NR1H4: variants seen among roughly 807,000 people sequenced by gnomAD.
NR1H4 encodes the protein nuclear receptor subfamily 1 group H member 4, also known as bile acid receptor.
Under a neutral mutation model 58.5 loss-of-function variants are expected in NR1H4, and 23 were observed. The ratio of observed to expected loss-of-function variants is 0.39; its 90% CI spans 0.28 to 0.56. NR1H4 has a LOEUF of 0.56. Among genes scored for constraint, NR1H4 ranks in the 20% least tolerant of loss-of-function variants. The pLI, the probability that NR1H4 is intolerant of heterozygous loss-of-function variation, is 0.58. For synonymous variants in NR1H4, 214 were observed against 198.0 expected (o/e 1.08, Z -0.68); for missense variants, 487 against 576.9 (o/e 0.84, Z 1.60).
chr12:100,518,373 G>C (rs752276987), intron 4 of NR1H4, among the ~76,000 whole-genome samples: 8 of 152,342 alleles, frequency 5.3e-5, no homozygotes, highest in Non-Finnish European at 1.2e-4. Context: ...AGTCAGAAGA[G>C]AGCCAACCTT....
intron 8 of NR1H4, among the ~76,000 whole-genome samples, chr12:100,538,207 G>A (rs186766177): frequency 5.0e-4 from 76 of 152,226 alleles, no homozygotes; most frequent in Admixed American, 1.6e-3. Context: ...AAGAGATTTC[G>A]GTGGTTTTTG....
At chr12:100,531,043 A>G (rs954858411) in intron 4 of NR1H4, among the ~76,000 whole-genome samples, 2 of 152,226 alleles carry the variant, frequency 1.3e-5, no homozygotes, top group African/African-American at 4.8e-5. Context: ...GGTCCATGTG[A>G]AGAGAACCAC....
intron 8 of NR1H4, among the ~76,000 whole-genome samples, chr12:100,538,957 C>G (rs1432924106): frequency 6.6e-6 from 1 of 152,072 alleles, no homozygotes; most frequent in Non-Finnish European, 1.5e-5. Flanking sequence ...AGAGTAAAAA[C>G]TGTGGAGGAA....
At chr12:100,556,478 A>C (rs934987694) in intron 9 of NR1H4, among the ~76,000 whole-genome samples, 9 of 151,670 alleles carry the variant, frequency 5.9e-5, no homozygotes, top group Non-Finnish European at 1.2e-4. Context: ...AAAGAAAAAA[A>C]AAACAAAAAA....
intron 3 of NR1H4, among the ~76,000 whole-genome samples, chr12:100,495,592 G>T (rs561146588): frequency 6.6e-6 from 1 of 152,148 alleles, no homozygotes; most frequent in South Asian, 2.1e-4. Flanking sequence ...TTAGCTTGGT[G>T]TGGTGGTGCA....
intron 10 of NR1H4, 27 bp from the exon 11 acceptor site, chr12:100,563,224 G>C: frequency 1.3e-6 from 2 of 1,542,618 alleles, no homozygotes; most frequent in Non-Finnish European, 1.8e-6. Context: ...TTTTAATTTT[G>C]TCATTTTATT....
chr12:100,503,827 A>G (rs1010633583), intron 3 of NR1H4, among the ~76,000 whole-genome samples: 2 of 152,196 alleles, frequency 1.3e-5, no homozygotes, highest in East Asian at 3.8e-4. Context: ...AACAGACATT[A>G]TTTAATGCAG....
intron 3 of NR1H4, among the ~76,000 whole-genome samples, chr12:100,506,536 C>T (rs866100316): frequency 6.6e-5 from 10 of 152,074 alleles, no homozygotes; most frequent in Admixed American, 4.6e-4. Context: ...GATGGAGTCT[C>T]GCTCTGTCAC....
At chr12:100,557,151 A>T (rs981889696) in intron 9 of NR1H4, among the ~76,000 whole-genome samples, 1 of 152,156 alleles carries the variant, frequency 6.6e-6, no homozygotes, top group Non-Finnish European at 1.5e-5. Context: ...AAAGAGGTTT[A>T]TTTGGTTCAT....
intron 4 of NR1H4, among the ~76,000 whole-genome samples, chr12:100,525,974 C>T (rs1181423747): frequency 6.6e-6 from 1 of 152,030 alleles, no homozygotes; most frequent in East Asian, 1.9e-4. Flanking sequence ...TGGGCCTCTC[C>T]TTCATTTCTG....
rs781520049 is a variant in NR1H4, at chr12:100,556,467, C to CAA, written c.1079-5416_1079-5415dup. 3.4e-3 allele frequency among the ~76,000 whole-genome samples: 295 copies of CAA among 87,008 alleles called. 8 individuals are homozygous for CAA. The highest frequency in any genetic ancestry group is 6.2e-3 in the Middle Eastern group (1 of 162). The allele number at this position is 87,008 out of a possible 152,430, so 57.1% of individuals were successfully genotyped here. A position where few individuals can be genotyped will look rare whatever the true frequency, so the allele number is the denominator to read the frequency against. ...GGGCAACAAGAGTGAAACTCCGTCT[C>CAA]AAAGAAAAAAAAAACAAAAAACAAA... On this transcript the variant is annotated intron_variant, in intron 9 of 10. Coordinates refer to ENST00000392986, the MANE Select transcript of NR1H4 (RefSeq NM_001206979.2).
chr12:100,499,561 T>A (rs1953787092), intron 3 of NR1H4, among the ~76,000 whole-genome samples: 1 of 152,210 alleles, frequency 6.6e-6, no homozygotes, highest in South Asian at 2.1e-4. Flanking sequence ...AGATTACTGA[T>A]TCTTTCAGCA....
At chr12:100,540,089 T>C (rs905187769) in intron 8 of NR1H4, among the ~76,000 whole-genome samples, 1 of 152,180 alleles carries the variant, frequency 6.6e-6, no homozygotes, top group Non-Finnish European at 1.5e-5. Context: ...GGATAACAAC[T>C]TTGAATTTTC....
At chr12:100,526,600 A>G (rs1386759070) in intron 4 of NR1H4, among the ~76,000 whole-genome samples, 1 of 152,232 alleles carries the variant, frequency 6.6e-6, no homozygotes, top group Non-Finnish European at 1.5e-5. Flanking sequence ...CCTCAGGATC[A>G]TGTTCAACTT....
chr12:100,497,073 C>A (rs10860599), intron 3 of NR1H4, among the ~76,000 whole-genome samples: 27,376 of 151,954 alleles, frequency 0.18, 5,330 homozygotes, highest in African/African-American at 0.46. Flanking sequence ...GAGGGAAAAC[C>A]AAAGAGGTCA....
chr12:100,545,413 G>C (rs1392040561), intron 9 of NR1H4, among the ~76,000 whole-genome samples: 2 of 151,992 alleles, frequency 1.3e-5, no homozygotes, highest in Non-Finnish European at 2.9e-5. Flanking sequence ...GCCAAGGCAG[G>C]AAGATTGCTT....
intron 3 of NR1H4, chr12:100,503,281 T>G (rs1953877515): frequency 7.3e-7 from 1 of 1,372,512 alleles, no homozygotes; most frequent in African/African-American, 1.5e-5. Context: ...TCATAAACAT[T>G]TACAAATATT....
chr12:100,551,963 G>GAA (rs1418255785), intron 9 of NR1H4, among the ~76,000 whole-genome samples: 2 of 152,152 alleles, frequency 1.3e-5, no homozygotes, highest in Admixed American at 1.3e-4. Context: ...ATAATGACAA[G>GAA]AAAAAAGTCT....
intron 3 of NR1H4, among the ~76,000 whole-genome samples, chr12:100,499,483 C>T (rs936367006): frequency 1.3e-5 from 2 of 152,136 alleles, no homozygotes; most frequent in Admixed American, 6.5e-5. Flanking sequence ...TTCTGGTTCT[C>T]TTGATAGTGG....
Sources: gnomAD v4.1 joint callset for allele counts (sites outside exome capture counted in the v4.1 genomes callset) on GRCh38, gnomAD v4.1.1 for gene constraint, MANE v1.5 for transcripts, NCBI Gene and HGNC (gene_info 2026-07-23, HGNC 2026-07-21) for gene names.